TNR: variants seen among roughly 807,000 people sequenced by gnomAD.
The protein encoded by TNR is tenascin-R.
TNR carries 45 observed loss-of-function variants against 150.4 expected under a neutral mutation model. The observed-to-expected ratio is 0.30, with a 90% CI of 0.24 to 0.38. The LOEUF is 0.38. Among genes scored for constraint, TNR ranks in the 10% least tolerant of loss-of-function variants. TNR has a pLI of 1.00. For synonymous variants in TNR, 687 were observed against 678.4 expected (o/e 1.01, Z -0.20); for missense variants, 1,544 against 1,759.1 (o/e 0.88, Z 2.19).
intron 2 of TNR, among the ~76,000 whole-genome samples, chr1:175,480,961 C>A (rs527748622): frequency 4.7e-4 from 72 of 152,230 alleles, no homozygotes; most frequent in Middle Eastern, 6.8e-3. Flanking sequence ...CTTTTTCTGA[C>A]AGAATAAACT....
intron 1 of TNR, among the ~76,000 whole-genome samples, chr1:175,582,051 G>A (rs1178103033): frequency 6.6e-6 from 1 of 152,122 alleles, no homozygotes; most frequent in African/African-American, 2.4e-5. Context: ...GTGGTACCAG[G>A]AAAAGATTCT....
chr1:175,490,455 A>T (rs190922498), intron 2 of TNR, among the ~76,000 whole-genome samples: 1 of 152,324 alleles, frequency 6.6e-6, no homozygotes, highest in East Asian at 1.9e-4. Context: ...AATGGGAGAA[A>T]ATTTTTGCAA....
intron 2 of TNR, among the ~76,000 whole-genome samples, chr1:175,414,923 G>A (rs1211318437): frequency 2.6e-5 from 4 of 151,210 alleles, no homozygotes; most frequent in African/African-American, 4.8e-5. Flanking sequence ...TACCAACATG[G>A]GCCAGTGGGG....
At chr1:175,359,921 T>C (rs1231893647) in intron 14 of TNR, among the ~76,000 whole-genome samples, 190 bp from the exon 15 acceptor site, 2 of 152,204 alleles carry the variant, frequency 1.3e-5, no homozygotes, top group African/African-American at 2.4e-5. Context: ...CCTGCCTCCC[T>C]TCTCTCAAGT....
chr1:175,406,161 T>TGCTCAGCCCTCTCC, intron 3 of TNR, 55 bp downstream of exon 3: 2 of 1,571,156 alleles, frequency 1.3e-6, no homozygotes. Flanking sequence ...TCTCCCTCTC[T>TGCTCAGCCCTCTCC]GCTCAGCCCT....
intron 1 of TNR, among the ~76,000 whole-genome samples, chr1:175,673,090 GT>G (rs1171752500): frequency 1.3e-5 from 2 of 152,128 alleles, no homozygotes; most frequent in Non-Finnish European, 2.9e-5. Flanking sequence ...CTTCACCTGG[GT>G]CCCTTACTAA....
rs548279779 is a variant in TNR, at chr1:175,605,684, A to G, written c.-164-77315T>C. 2.0e-5 allele frequency among the ~76,000 whole-genome samples: 3 copies of G among 152,100 alleles called. No homozygotes were observed. In the South Asian group the frequency reaches 6.2e-4, roughly 32 times the overall value. ...TCCCATCACCTTAGTCACTTGCATT[A>G]TTTTTTCTCCTTCCTTCTTTTTAAA... On this transcript the variant is annotated intron_variant, in intron 1 of 22. Transcript: ENST00000367674.
chr1:175,532,915 A>G (rs1660129251), intron 1 of TNR, among the ~76,000 whole-genome samples: 3 of 152,130 alleles, frequency 2.0e-5, no homozygotes, highest in Non-Finnish European at 2.9e-5. Flanking sequence ...ACAGTGTCTT[A>G]TAAGACTAAG....
chr1:175,501,427 C>G (rs554758844), intron 2 of TNR, among the ~76,000 whole-genome samples: 18 of 152,290 alleles, frequency 1.2e-4, no homozygotes, highest in Admixed American at 1.2e-3. Flanking sequence ...ATTTCCCCAA[C>G]CACCTGAATG....
chr1:175,683,017 C>CA (rs774083780), intron 1 of TNR, among the ~76,000 whole-genome samples: 2 of 152,188 alleles, frequency 1.3e-5, no homozygotes, highest in Non-Finnish European at 2.9e-5. Context: ...TTCCCAGAAA[C>CA]AATGGGCGAG....
intron 2 of TNR, among the ~76,000 whole-genome samples, chr1:175,498,102 CA>C (rs1464187652): frequency 6.6e-6 from 1 of 151,608 alleles, no homozygotes; most frequent in Non-Finnish European, 1.5e-5. Context: ...AAAAACAAAA[CA>C]AAAAACAAAC....
At chr1:175,705,835 T>C (rs1365073225) in intron 1 of TNR, among the ~76,000 whole-genome samples, 1 of 152,212 alleles carries the variant, frequency 6.6e-6, no homozygotes, top group Non-Finnish European at 1.5e-5. Context: ...GGTTTCTTCA[T>C]GTATATAACA....
intron 1 of TNR, among the ~76,000 whole-genome samples, chr1:175,535,337 C>T (rs1660231958): frequency 6.6e-6 from 1 of 152,268 alleles, no homozygotes; most frequent in South Asian, 2.1e-4. Flanking sequence ...CACGTCTCAA[C>T]AGTTAAACTA....
intron 1 of TNR, among the ~76,000 whole-genome samples, chr1:175,562,794 C>T (rs990416014): frequency 3.7e-4 from 56 of 152,200 alleles, no homozygotes; most frequent in African/African-American, 1.4e-3. Flanking sequence ...TAGCTGCTGT[C>T]ATGAGCAGTC....
Position 175,711,461 on chromosome 1 carries a change from G to T in TNR, c.-165+31765C>A, listed in dbSNP as rs540044829. Among the ~76,000 whole-genome samples, 81 of 152,302 alleles carry T rather than the reference G, an allele frequency of 5.3e-4. 1 individual carries two copies. The highest frequency in any genetic ancestry group is 1.9e-3 in the African/African-American group (77 of 41,568). ...CAGGCAATGGGAGATGATAAGAGGC[G>T]TAATAGCAGGAAGGAGTCAGATGGA... On this transcript the variant is annotated intron_variant, in intron 1 of 22. Transcript: ENST00000367674.
In TNR at chr1:175,517,012, T is replaced by TGAGAGAGAGA. The variant is rs58416273; in HGVS notation, c.-64+11247_-64+11256dup. ...AGCACAAATTAGTACATCTGAAAGC[T>TGAGAGAGAGA]GAGAGAGAGAGAGAGAGAGAGAGAG... is the stretch of plus-strand genomic sequence containing the variant. On this transcript the variant is annotated intron_variant, in intron 2 of 22. Coordinates refer to ENST00000367674, the MANE Select transcript of TNR (RefSeq NM_003285.3). 3.4e-4 allele frequency among the ~76,000 whole-genome samples: 41 copies of TGAGAGAGAGA among 120,448 alleles called. No homozygotes were observed. The South Asian group carries it at 4.4e-3, about 13-fold the overall frequency. The allele number at this position is 120,448 out of a possible 152,430, so 79.0% of individuals were successfully genotyped here.
At chr1:175,403,700 T>TA in intron 3 of TNR, 84 bp from the exon 4 acceptor site, 1 of 1,139,220 alleles carries the variant, frequency 8.8e-7, no homozygotes, top group Non-Finnish European at 1.3e-6. Flanking sequence ...AAGGCCTCTC[T>TA]ACTCATTCTC....
intron 2 of TNR, among the ~76,000 whole-genome samples, chr1:175,479,354 A>C (rs1478215589): frequency 6.6e-6 from 1 of 152,188 alleles, no homozygotes; most frequent in African/African-American, 2.4e-5. Context: ...TTCCCTGACA[A>C]GTTTCCCCCC....
chr1:175,644,882 G>A (rs1218990798), intron 1 of TNR, among the ~76,000 whole-genome samples: 3 of 152,258 alleles, frequency 2.0e-5, no homozygotes, highest in Admixed American at 6.5e-5. Flanking sequence ...ATTTACAGAG[G>A]AGGGAAAGAG....
Sources: gnomAD v4.1 joint callset for allele counts (sites outside exome capture counted in the v4.1 genomes callset) on GRCh38, gnomAD v4.1.1 for gene constraint, MANE v1.5 for transcripts, NCBI Gene and HGNC (gene_info 2026-07-23, HGNC 2026-07-21) for gene names.